Variants in MDGA2 observed in about 807,000 individuals in gnomAD.
The protein encoded by MDGA2 is MAM domain-containing glycosylphosphatidylinositol anchor protein 2.
Under a neutral mutation model 117.8 loss-of-function variants are expected in MDGA2, and 40 were observed. The observed-to-expected ratio is 0.34, with a 90% CI of 0.26 to 0.44. The LOEUF (loss-of-function observed/expected upper bound fraction) is 0.44. Ranked by LOEUF, MDGA2 falls within the 20% of genes least tolerant of loss-of-function variation. The pLI is 1.00. For synonymous variants in MDGA2, 452 were observed against 439.0 expected, an observed-to-expected ratio of 1.03 and a Z score of -0.37; for missense variants, 1,123 against 1,250.6, an observed-to-expected ratio of 0.90 and a Z score of 1.54.
intron 1 of MDGA2, among the ~76,000 whole-genome samples, chr14:47,423,750 A>T (rs1255657146): frequency 6.6e-6 from 1 of 152,156 alleles, no homozygotes; most frequent in Admixed American, 6.6e-5. Flanking sequence ...GTCAAAAGAT[A>T]TGTCAGTGTT....
intron 8 of MDGA2, among the ~76,000 whole-genome samples, chr14:46,987,861 C>G (rs572059176): frequency 2.0e-4 from 29 of 148,104 alleles, no homozygotes; most frequent in African/African-American, 6.8e-4. Flanking sequence ...TACTAATAAA[C>G]TGCTATATTT....
intron 8 of MDGA2, among the ~76,000 whole-genome samples, chr14:47,015,486 T>C (rs953430837): frequency 1.3e-5 from 2 of 151,074 alleles, no homozygotes; most frequent in Admixed American, 6.6e-5. Context: ...CAAATAGACA[T>C]GAACAAAAAG....
At position 46,884,257 on chromosome 14, in the gene MDGA2, A is replaced by G. The variant is rs1299574229; in HGVS notation, c.2239-2036T>C. On this transcript the variant is annotated intron_variant, in intron 10 of 16. Coordinates refer to ENST00000399232, the MANE Select transcript of MDGA2 (RefSeq NM_001113498.3). The surrounding 1 kb of genome is among the most constrained non-coding windows in gnomAD (Gnocchi z 4.1). Reference sequence around the variant, plus strand: ...TCTGCCTCAATGGTGCCAAACTATTAAGAATCAAAGTTCAAGTTTGTCTGG... The same window carrying G: ...TCTGCCTCAATGGTGCCAAACTATTGAGAATCAAAGTTCAAGTTTGTCTGG... Among the ~76,000 whole-genome samples, 17 of 152,126 alleles carry G rather than the reference A, an allele frequency of 1.1e-4. No individual in the cohort carries two copies. Among genetic ancestry groups the G allele is most frequent in the Non-Finnish European group, 1.5e-5 (1 of 68,012 alleles).
intron 1 of MDGA2, among the ~76,000 whole-genome samples, chr14:47,472,540 G>C (rs977078468): frequency 1.3e-5 from 2 of 152,198 alleles, no homozygotes; most frequent in Admixed American, 6.6e-5. Flanking sequence ...AGCAGACCTT[G>C]TCTGCTTCCA....
intron 3 of MDGA2, among the ~76,000 whole-genome samples, chr14:47,210,412 C>T (rs1022026258): frequency 1.3e-5 from 2 of 152,112 alleles, no homozygotes; most frequent in East Asian, 1.9e-4. Flanking sequence ...AAACCCTAAC[C>T]TTTAAAGTCA....
chr14:47,134,291 A>C (rs1882348596), intron 4 of MDGA2, among the ~76,000 whole-genome samples: 1 of 152,020 alleles, frequency 6.6e-6, no homozygotes, highest in Non-Finnish European at 1.5e-5. Flanking sequence ...TTTTCAGTTA[A>C]TAGTACTGTA....
intron 3 of MDGA2, among the ~76,000 whole-genome samples, chr14:47,184,828 T>C (rs1226507817): frequency 6.6e-6 from 1 of 151,664 alleles, no homozygotes; most frequent in Non-Finnish European, 1.5e-5. Context: ...TGAAGGGAAC[T>C]GAGACACTGA....
At chr14:46,953,163 C>T (rs536365909) in intron 9 of MDGA2, among the ~76,000 whole-genome samples, 13 of 151,636 alleles carry the variant, frequency 8.6e-5, no homozygotes, top group Admixed American at 4.6e-4. Flanking sequence ...TAATCTTGTA[C>T]CTCACACTTA....
At chr14:47,169,020 A>T (rs985353660) in intron 3 of MDGA2, among the ~76,000 whole-genome samples, 8 of 151,970 alleles carry the variant, frequency 5.3e-5, no homozygotes, top group African/African-American at 1.9e-4. Flanking sequence ...AGATATATAG[A>T]TAGATAGATA....
intron 1 of MDGA2, chr14:47,306,248 A>G (rs111483129): frequency 1.3e-5 from 2 of 152,114 alleles, no homozygotes; most frequent in African/African-American, 4.8e-5. Flanking sequence ...ATGACACTGA[A>G]GTTTATACCC....
intron 1 of MDGA2, among the ~76,000 whole-genome samples, chr14:47,429,370 A>C (rs969623975): frequency 1.3e-5 from 2 of 152,078 alleles, no homozygotes; most frequent in African/African-American, 2.4e-5. Context: ...GTTCTTTCTC[A>C]CCTAGAAAAT....
At chr14:47,232,612 G>A (rs996931731) in intron 2 of MDGA2, among the ~76,000 whole-genome samples, 1 of 152,070 alleles carries the variant, frequency 6.6e-6, no homozygotes, top group Non-Finnish European at 1.5e-5. Flanking sequence ...GAAGTGTAAA[G>A]TCAGTACTAC....
intron 1 of MDGA2, among the ~76,000 whole-genome samples, chr14:47,628,785 T>G (rs895125177): frequency 2.6e-5 from 4 of 152,160 alleles, no homozygotes; most frequent in African/African-American, 9.7e-5. Flanking sequence ...GGTGTGAGAG[T>G]TACAGCTCAC....
At chr14:47,560,862 T>C (rs1056440034) in intron 1 of MDGA2, among the ~76,000 whole-genome samples, 41 of 152,312 alleles carry the variant, frequency 2.7e-4, no homozygotes, top group African/African-American at 9.9e-4. Context: ...CTTGAATTGA[T>C]TTTTTATATA....
chr14:47,390,962 G>A (rs1891880848), intron 1 of MDGA2, among the ~76,000 whole-genome samples: 1 of 151,838 alleles, frequency 6.6e-6, no homozygotes. Flanking sequence ...CCTTATCCTG[G>A]CTGTTTCCAC....
intron 3 of MDGA2, among the ~76,000 whole-genome samples, chr14:47,155,699 G>A (rs1436562034): frequency 2.0e-5 from 3 of 151,908 alleles, no homozygotes; most frequent in Non-Finnish European, 4.4e-5. Context: ...TGAGATCCAG[G>A]CCAGTAGCGC....
At position 47,367,141 on chromosome 14, in the gene MDGA2, T is replaced by A. The variant is rs149706866; in HGVS notation, c.281-65591A>T. On this transcript the variant is annotated intron_variant, in intron 1 of 16. Coordinates refer to ENST00000399232, the MANE Select transcript of MDGA2 (RefSeq NM_001113498.3). ...TAACTGAGCTATCTTAATTATTCTT[T>A]ATTTTATGATAAACAGTTAAAATAT... Among the ~76,000 whole-genome samples the A allele has an allele frequency of 1.8e-3, 279 of 152,330 alleles. 2 individuals are homozygous for A. The highest frequency in any genetic ancestry group is 6.4e-3 in the African/African-American group (267 of 41,572).
chr14:47,547,511 G>A (rs970552075), intron 1 of MDGA2, among the ~76,000 whole-genome samples: 1 of 152,150 alleles, frequency 6.6e-6, no homozygotes, highest in African/African-American at 2.4e-5. Context: ...GGAATACAAA[G>A]TTGGGAGGAC....
At chr14:47,134,752 G>A (rs984580396) in intron 4 of MDGA2, among the ~76,000 whole-genome samples, 9 of 149,852 alleles carry the variant, frequency 6.0e-5, no homozygotes, top group Non-Finnish European at 1.3e-4. Flanking sequence ...ACATATTTAT[G>A]TGTGTATATA....
Sources: gnomAD v4.1 joint callset for allele counts (sites outside exome capture counted in the v4.1 genomes callset) on GRCh38, gnomAD v4.1.1 for gene constraint, Gnocchi (gnomAD v3.1) non-coding constraint, MANE v1.5 for transcripts, NCBI Gene and HGNC (gene_info 2026-07-23, HGNC 2026-07-21) for gene names.